The following MYO18B variants were observed in gnomAD, a reference collection of about 807,000 sequenced individuals.
MYO18B encodes the protein myosin XVIIIB, also known as unconventional myosin-XVIIIb.
A neutral mutation model predicts 273.0 loss-of-function variants in MYO18B; 204 were observed. The observed-to-expected ratio is 0.75, with a 90% CI of 0.67 to 0.84. MYO18B has a LOEUF of 0.84. MYO18B is among the 40% of genes least tolerant of loss of function. The pLI, the probability that MYO18B is intolerant of heterozygous loss-of-function variation, is 0.00. For synonymous variants in MYO18B, 1,330 were observed against 1,305.7 expected (o/e 1.02, Z -0.40); for missense variants, 3,212 against 3,287.6 (o/e 0.98, Z 0.56).
rs550914378 is a variant in MYO18B at position 25,845,855 on chromosome 22, G to A, written c.3369-245G>A. 2.6e-5 allele frequency among the ~76,000 whole-genome samples: 4 copies of A among 152,364 alleles called. No individual in the cohort carries two copies. In the East Asian group the frequency reaches 7.7e-4, roughly 29 times the overall value. ...GGACAGATGCTCTAAGCCTAGGCAG[G>A]GAGGGAGCATTTGAAGGTAGAAGAC... is the stretch of plus-strand genomic sequence containing the variant. On this transcript the variant is annotated intron_variant, in intron 18 of 43. Transcript: ENST00000335473.
At chr22:25,955,001 G>T (rs1015985014) in intron 38 of MYO18B, among the ~76,000 whole-genome samples, 178 bp from the exon 39 acceptor site, 1 of 152,134 alleles carries the variant, frequency 6.6e-6, no homozygotes, top group Non-Finnish European at 1.5e-5. Context: ...TGAGCACTGC[G>T]CCCGACCATC....
In MYO18B at chr22:25,846,256, C is replaced by T. The variant is rs752293477; in HGVS notation, c.3525C>T (p.Ala1175=). The change falls in exon 19 of 44, where the codon GCC becomes GCT. Residue 1175 remains alanine (A), a synonymous_variant. Coordinates refer to ENST00000335473, the MANE Select transcript of MYO18B (RefSeq NM_032608.7). ...GCCTTGCCGCGGTGAGGAGGAAAGC[C>T]CCGTGCTCCCAGATCAAGCTGCAGA... ...ASSLAAVRRK[A]PCSQIKLQMD... is the part of the protein sequence containing the mutation. 5.6e-6 allele frequency: 9 copies of T among 1,611,998 alleles called. No homozygotes were observed. In the South Asian group the frequency reaches 7.7e-5, roughly 14 times the overall value.
rs1402574792 is a variant in MYO18B, at chr22:25,877,968, AC to A, written c.4235del (p.Thr1412LysfsTer3). ...GTGTTTGTTTTTGTAGGAGGAGCTT[AC>A]AACGCTAAGACGGAAGCTAGAAAAA... ...EQLRAKEEELTTLRRKLEKSE... is the reference protein window; with the variant it reads ...EQLRAKEEELXTLRRKLEKSE... On this transcript the variant is annotated frameshift_variant, in exon 25 of 44. Transcript: ENST00000335473. LOFTEE classifies it high-confidence loss of function. 1 of 1,574,160 alleles carries A rather than the reference AC, an allele frequency of 6.4e-7. No individual in the cohort carries two copies. Among genetic ancestry groups the A allele is most frequent in the East Asian group, 2.3e-5 (1 of 42,902 alleles).
At chr22:25,990,205 T>C (rs1317707861) in intron 39 of MYO18B, among the ~76,000 whole-genome samples, 1 of 152,144 alleles carries the variant, frequency 6.6e-6, no homozygotes, top group African/African-American at 2.4e-5. Context: ...GGCAAGCCAA[T>C]GTGCAGAGAG....
intron 32 of MYO18B, among the ~76,000 whole-genome samples, chr22:25,910,098 G>T (rs1178983001): frequency 6.6e-6 from 1 of 152,178 alleles, no homozygotes; most frequent in Non-Finnish European, 1.5e-5. Flanking sequence ...GGTAATTGCT[G>T]AGAAATCAGA....
At chr22:25,950,517 G>GTTGTGTGTGTTTGTGTGTGTGT in intron 37 of MYO18B, 67 bp downstream of exon 37, 1 of 245,062 alleles carries the variant, frequency 4.1e-6, no homozygotes, top group Non-Finnish European at 8.3e-6. Context: ...GAACTAATAG[G>GTTGTGTGTGTTTGTGTGTGTGT]ATGTGTGTGT....
chr22:26,024,420 T>C (rs1451729612), intron 42 of MYO18B, among the ~76,000 whole-genome samples: 2 of 152,066 alleles, frequency 1.3e-5, no homozygotes, highest in Non-Finnish European at 2.9e-5. Flanking sequence ...GCTTGGCCTA[T>C]CCCAGGAGAC....
intron 34 of MYO18B, among the ~76,000 whole-genome samples, chr22:25,944,786 G>T (rs181407726): frequency 1.3e-5 from 2 of 150,380 alleles, no homozygotes; most frequent in Admixed American, 1.3e-4. Context: ...GGTGGAGGTC[G>T]CAGTGAGCTG....
chr22:25,955,286 G>A lies in MYO18B; in HGVS notation c.6078G>A (p.Arg2026=). 1 of 1,613,852 alleles carries A rather than the reference G, an allele frequency of 6.2e-7. No individual in the cohort carries two copies. The change falls in exon 39 of 44, where the codon CGG becomes CGA. Residue 2026 remains arginine, a synonymous_variant. Coordinates refer to ENST00000335473, the MANE Select transcript of MYO18B (RefSeq NM_032608.7). ...QQRESSQYYQ[R]RLEELKADME... Reference sequence around the variant, plus strand: ...GGGAGAGCAGCCAGTACTACCAGCGGCGCCTGGAAGAGCTGAAGGCCGACA... The same window carrying A: ...GGGAGAGCAGCCAGTACTACCAGCGACGCCTGGAAGAGCTGAAGGCCGACA...
intron 34 of MYO18B, among the ~76,000 whole-genome samples, chr22:25,942,944 G>A (rs895972746): frequency 7.2e-5 from 11 of 152,004 alleles, no homozygotes; most frequent in Admixed American, 6.6e-5. Context: ...TCTGGATCAT[G>A]CACCATTATG....
intron 34 of MYO18B, among the ~76,000 whole-genome samples, chr22:25,935,297 T>C (rs1012480): frequency 0.79 from 120,592 of 152,128 alleles, 48,778 homozygotes; most frequent in Middle Eastern, 0.9. Context: ...TGCTACCAGG[T>C]AGTTACCTAG....
the MYO18B span, among the ~76,000 whole-genome samples, chr22:26,044,620 A>G: frequency 6.6e-6 from 1 of 152,242 alleles, no homozygotes; most frequent in Non-Finnish European, 1.5e-5. Flanking sequence ...TAGGTCTCTT[A>G]TTGAGTTTCA....
rs3070571 is a variant in MYO18B at position 25,921,702 on chromosome 22, TTGTGTGTGTGTGTGTGTG to T, written c.5517+315_5517+332del. ...AGAATGGCTGAGTGCAGTGTGCCTG[TTGTGTGTGTGTGTGTGTG>T]TGTGTGTGTGTGTGTGTGTGTATGT... On this transcript the variant is annotated intron_variant, in intron 34 of 43. Transcript: ENST00000335473. Among the ~76,000 whole-genome samples, 1,076 of 145,708 alleles carry T rather than the reference TTGTGTGTGTGTGTGTGTG, an allele frequency of 7.4e-3. 9 individuals carry two copies. The highest frequency in any genetic ancestry group is 0.012 in the African/African-American group (455 of 39,144).
At chr22:26,060,866 AAC>A in the MYO18B span, among the ~76,000 whole-genome samples, 278 of 152,170 alleles carry the variant, frequency 1.8e-3, 3 homozygotes, top group Non-Finnish European at 9.4e-4. Context: ...TATATACACA[AAC>A]ACACAGTTTT....
At chr22:25,957,344 C>T (rs1398520892) in intron 39 of MYO18B, among the ~76,000 whole-genome samples, 6 of 152,150 alleles carry the variant, frequency 3.9e-5, no homozygotes, top group Non-Finnish European at 8.8e-5. Flanking sequence ...TTGAAAGGCC[C>T]TGAAATACTG....
chr22:25,825,092 T>C (rs1268126604), intron 13 of MYO18B, among the ~76,000 whole-genome samples: 1 of 152,018 alleles, frequency 6.6e-6, no homozygotes, highest in Non-Finnish European at 1.5e-5. Context: ...TGCACACATA[T>C]GCACAGGCAC....
chr22:25,990,569 C>A (rs539221470), intron 39 of MYO18B, among the ~76,000 whole-genome samples: 3 of 151,400 alleles, frequency 2.0e-5, no homozygotes, highest in East Asian at 1.9e-4. Context: ...TGCCTGTAAT[C>A]CCATCTACTT....
the MYO18B span, among the ~76,000 whole-genome samples, chr22:26,056,937 C>T: frequency 6.6e-6 from 1 of 152,118 alleles, no homozygotes; most frequent in South Asian, 2.1e-4. Flanking sequence ...CGACAGGGGA[C>T]GTGAACTGTA....
chr22:25,806,432 T>G (rs5761230), intron 12 of MYO18B, among the ~76,000 whole-genome samples: 9,898 of 152,206 alleles, frequency 0.065, 558 homozygotes, highest in East Asian at 0.19. Context: ...CCTGCTCTTG[T>G]GGTGGCAATG....
Sources: gnomAD v4.1 joint callset for allele counts (sites outside exome capture counted in the v4.1 genomes callset) on GRCh38, gnomAD v4.1.1 for gene constraint, MANE v1.5 for transcripts, NCBI Gene and HGNC (gene_info 2026-07-23, HGNC 2026-07-21) for gene names.